SDCCAG8: variants seen among roughly 807,000 people sequenced by gnomAD.
SDCCAG8 encodes the protein SHH signaling and ciliogenesis regulator SDCCAG8.
Under a neutral mutation model 101.8 loss-of-function variants are expected in SDCCAG8, and 74 were observed. The observed-to-expected ratio is 0.73, with a 90% CI of 0.60 to 0.88. The LOEUF (loss-of-function observed/expected upper bound fraction) is 0.88. SDCCAG8 is among the 40% of genes least tolerant of loss of function. The probability of loss-of-function intolerance (pLI) is 0.00; values close to 1 mark genes in which losing one functional copy is unlikely to be tolerated. For missense variants in SDCCAG8, 787 were observed against 822.6 expected (o/e 0.96, Z 0.53); for synonymous variants, 281 against 292.9 (o/e 0.96, Z 0.41).
chr1:243,480,347 ATGGATGGG>A (rs1407953511), intron 16 of SDCCAG8, among the ~76,000 whole-genome samples: 10 of 86,728 alleles, frequency 1.2e-4, no homozygotes, highest in East Asian at 4.4e-4. Context: ...GATAGGTGGG[ATGGATGGG>A]TGGGTGGGAT....
chr1:243,287,015 G>C (rs564643508), intron 5 of SDCCAG8, among the ~76,000 whole-genome samples: 27 of 152,266 alleles, frequency 1.8e-4, no homozygotes, highest in African/African-American at 6.3e-4. Context: ...CACTTGGTCT[G>C]GTTGGCTTCT....
intron 12 of SDCCAG8, among the ~76,000 whole-genome samples, chr1:243,359,724 C>T (rs958595756): frequency 6.6e-6 from 1 of 152,156 alleles, no homozygotes; most frequent in South Asian, 2.1e-4. Context: ...AGGAGACCTA[C>T]GGCAGATATT....
At chr1:243,288,432 C>T (rs2069852934) in intron 5 of SDCCAG8, among the ~76,000 whole-genome samples, 1 of 151,976 alleles carries the variant, frequency 6.6e-6, no homozygotes, top group Non-Finnish European at 1.5e-5. Flanking sequence ...CGCCACTGCA[C>T]TCCAGCCTGG....
chr1:243,486,618 G>A (rs746529892), intron 16 of SDCCAG8, among the ~76,000 whole-genome samples: 5 of 152,264 alleles, frequency 3.3e-5, no homozygotes, highest in South Asian at 4.1e-4. Flanking sequence ...CAGGGTGGCC[G>A]GCCGTGACCG....
chr1:243,261,593 A>C (rs1300761206), intron 1 of SDCCAG8, among the ~76,000 whole-genome samples: 1 of 152,190 alleles, frequency 6.6e-6, no homozygotes, highest in Non-Finnish European at 1.5e-5. Flanking sequence ...ACTAGCCAAC[A>C]ATTTGGTCAG....
At chr1:243,365,117 A>T (rs1353834451) in intron 12 of SDCCAG8, among the ~76,000 whole-genome samples, 1 of 152,146 alleles carries the variant, frequency 6.6e-6, no homozygotes, top group Non-Finnish European at 1.5e-5. Flanking sequence ...ATCGGCGAAG[A>T]GTCTGGAGCT....
chr1:243,473,923 G>GGT (rs1553373475), intron 16 of SDCCAG8, among the ~76,000 whole-genome samples: 6 of 15,986 alleles, frequency 3.8e-4, no homozygotes, highest in Non-Finnish European at 6.0e-4. Context: ...AGTTGCCGGC[G>GGT]GGGGGGGGGG....
In SDCCAG8 at chr1:243,376,915, G is replaced by A. The variant is rs576331702; in HGVS notation, c.1474-1806G>A. Among the ~76,000 whole-genome samples the A allele has an allele frequency of 6.6e-4, 101 of 152,184 alleles. 2 individuals carry two copies. In the South Asian group the frequency reaches 0.019, roughly 29 times the overall value. On this transcript the variant is annotated intron_variant, in intron 12 of 17. Coordinates refer to ENST00000366541, the MANE Select transcript of SDCCAG8 (RefSeq NM_006642.5). ...CTATTATCTATAAGAAAAATGTAGC[G>A]TTATTAATCTACAATTAAAGAGCTT...
intron 12 of SDCCAG8, among the ~76,000 whole-genome samples, chr1:243,352,715 C>T (rs2076148262): frequency 6.6e-6 from 1 of 152,148 alleles, no homozygotes; most frequent in Non-Finnish European, 1.5e-5. Flanking sequence ...TTAACAGAAG[C>T]CAGTAGTTCC....
rs540151072 is a variant in SDCCAG8 at position 243,447,094 on chromosome 1, A to G, written c.1985+20536A>G. Among the ~76,000 whole-genome samples the G allele has an allele frequency of 7.6e-4, 115 of 152,088 alleles. 1 individual carries two copies. The highest frequency in any genetic ancestry group is 2.7e-3 in the African/African-American group (114 of 41,480). On this transcript the variant is annotated intron_variant, in intron 16 of 17. Transcript: ENST00000366541. ...TGGCGAACCCCTGTCTCTACTAAAA[A>G]TACAAAAATTAGCCAGGCACAGTGG...
At chr1:243,367,223 C>G (rs2077038838) in intron 12 of SDCCAG8, among the ~76,000 whole-genome samples, 1 of 151,834 alleles carries the variant, frequency 6.6e-6, no homozygotes, top group African/African-American at 2.4e-5. Flanking sequence ...AGCTTTTATA[C>G]TTTTTAGATT....
chr1:243,499,963 G>A lies in SDCCAG8; in HGVS notation c.*178G>A. The stretch of plus-strand genomic sequence containing the variant: ...CCCGCACGCAGTCGGGCTGGAGCTG[G>A]AGTCTGACTCTAGCTGAGCAGAGCT... On this transcript the variant is annotated 3_prime_UTR_variant, in exon 18 of 18. Coordinates refer to ENST00000366541, the MANE Select transcript of SDCCAG8 (RefSeq NM_006642.5). The A allele has an allele frequency of 3.0e-6, 2 of 663,268 alleles. No homozygotes were observed. Among genetic ancestry groups the A allele is most frequent in the East Asian group, 5.4e-5 (2 of 36,752 alleles). The allele number at this position is 663,268 out of a possible 1,614,324, so 41.1% of individuals were successfully genotyped here.
intron 10 of SDCCAG8, among the ~76,000 whole-genome samples, chr1:243,334,296 T>C (rs1201482779): frequency 6.6e-6 from 1 of 152,200 alleles, no homozygotes; most frequent in Non-Finnish European, 1.5e-5. Flanking sequence ...TATGTCAGTC[T>C]CTTGCTTTAA....
intron 16 of SDCCAG8, among the ~76,000 whole-genome samples, chr1:243,460,948 AATGC>A (rs1658974764): frequency 6.6e-6 from 1 of 152,206 alleles, no homozygotes; most frequent in Non-Finnish European, 1.5e-5. Flanking sequence ...ATACCTATTT[AATGC>A]TACTTAGAAC....
intron 17 of SDCCAG8, among the ~76,000 whole-genome samples, chr1:243,498,931 T>G (rs1668772565): frequency 6.6e-6 from 1 of 152,234 alleles, no homozygotes; most frequent in Non-Finnish European, 1.5e-5. Flanking sequence ...CATCCTGGCT[T>G]TTCTCTGGAC....
Position 243,495,178 on chromosome 1 carries a change from G to A in SDCCAG8, c.2113-4578G>A, listed in dbSNP as rs540384682. ...CTTGGGTGCGCCCTGGGGAGGACAG[G>A]TGGCACCGCAGAGCCAGGGCCTCCA... On this transcript the variant is annotated intron_variant, in intron 17 of 17. Coordinates refer to ENST00000366541, the MANE Select transcript of SDCCAG8 (RefSeq NM_006642.5). Among the ~76,000 whole-genome samples, 67 of 152,356 alleles carry A rather than the reference G, an allele frequency of 4.4e-4. 1 individual carries two copies. The highest frequency in any genetic ancestry group is 4.4e-4 in the Non-Finnish European group (30 of 68,022).
intron 5 of SDCCAG8, among the ~76,000 whole-genome samples, 166 bp downstream of exon 5, chr1:243,286,563 A>C (rs1426733118): frequency 6.6e-6 from 1 of 152,224 alleles, no homozygotes; most frequent in Admixed American, 6.5e-5. Flanking sequence ...TGGTGGAATG[A>C]ATCCTCAGAT....
rs372359539 is a variant in SDCCAG8 at position 243,357,269 on chromosome 1, C to T, written c.1473+12938C>T. ...TGGCACATGCCTGTATTCCCAGCTA[C>T]CTGGGAGGCTGAGGCAAGAGAATCG... On this transcript the variant is annotated intron_variant, in intron 12 of 17. Coordinates refer to ENST00000366541, the MANE Select transcript of SDCCAG8 (RefSeq NM_006642.5). Among the ~76,000 whole-genome samples, 6 of 152,070 alleles carry T rather than the reference C, an allele frequency of 3.9e-5. No individual in the cohort carries two copies. In the South Asian group the frequency reaches 1.0e-3, roughly 26 times the overall value.
intron 16 of SDCCAG8, among the ~76,000 whole-genome samples, chr1:243,439,188 C>T (rs1204959748): frequency 6.6e-6 from 1 of 152,104 alleles, no homozygotes; most frequent in East Asian, 1.9e-4. Flanking sequence ...GGGTCTCACT[C>T]TGTCACCCAG....
Sources: gnomAD v4.1 joint callset for allele counts (sites outside exome capture counted in the v4.1 genomes callset) on GRCh38, gnomAD v4.1.1 for gene constraint, MANE v1.5 for transcripts, NCBI Gene and HGNC (gene_info 2026-07-23, HGNC 2026-07-21) for gene names.